The following ASB13 variants were observed in gnomAD, a reference collection of about 807,000 sequenced individuals.
ASB13 encodes the protein ankyrin repeat and SOCS box protein 13.
ASB13 carries 33 observed loss-of-function variants against 28.8 expected under a neutral mutation model. The ratio of observed to expected loss-of-function variants is 1.15; its 90% CI spans 0.87 to 1.53. ASB13 has a LOEUF of 1.53. Ranked by LOEUF, ASB13 falls within the 40% of genes most tolerant of loss-of-function variation. The probability of loss-of-function intolerance (pLI) is 0.00; values close to 1 mark genes in which losing one functional copy is unlikely to be tolerated. For missense variants in ASB13, 414 were observed against 390.1 expected (o/e 1.06, Z -0.52); for synonymous variants, 182 against 172.9 (o/e 1.05, Z -0.41).
rs919601578 is a variant in ASB13, at chr10:5,649,618, C to G, written c.383-514G>C. Among the ~76,000 whole-genome samples the G allele has an allele frequency of 6.6e-6, 1 of 151,740 alleles. No homozygotes were observed. The highest frequency in any genetic ancestry group is 2.4e-5 in the African/African-American group (1 of 41,318). Reference sequence around the variant, plus strand: ...TCAGCTCACTACAACCGCCATCTCCCGGGTTAAAGCGATTCTCCCACCTCA... The same window carrying G: ...TCAGCTCACTACAACCGCCATCTCCGGGGTTAAAGCGATTCTCCCACCTCA... On this transcript the variant is annotated intron_variant, in intron 3 of 5. Coordinates refer to ENST00000357700, the MANE Select transcript of ASB13 (RefSeq NM_024701.4). This position sits in a 1 kb window ranked among gnomAD's most constrained non-coding sequence, Gnocchi z 6.4.
Position 5,642,618 on chromosome 10 carries a change from GCAAGGA to G in ASB13, c.518-663_518-658del. On this transcript the variant is annotated intron_variant, in intron 4 of 5. Coordinates refer to ENST00000357700, the MANE Select transcript of ASB13 (RefSeq NM_024701.4). This position sits in a 1 kb window ranked among gnomAD's most constrained non-coding sequence, Gnocchi z 4.1. ...AAAAAGAGCAGACATTCAGAAAGAT[GCAAGGA>G]ATTAGTAGCTAAATATGGCTGGTTT... The G allele has an allele frequency of 2.6e-6, 2 of 777,798 alleles. No homozygotes were observed. The highest frequency in any genetic ancestry group is 3.6e-6 in the Non-Finnish European group (2 of 558,212). 48.2% of individuals were successfully genotyped at this position (777,798 alleles called of 1,614,324 possible).
At chr10:5,648,178 C>G (rs1407868878) in intron 4 of ASB13, among the ~76,000 whole-genome samples, 1 of 150,008 alleles carries the variant, frequency 6.7e-6, no homozygotes, top group South Asian at 2.1e-4. Context: ...GGGGTAAACA[C>G]CCACTCAGGT....
At chr10:5,662,842 C>T (rs1430175552) in intron 1 of ASB13, among the ~76,000 whole-genome samples, 1 of 152,138 alleles carries the variant, frequency 6.6e-6, no homozygotes, top group Non-Finnish European at 1.5e-5. Flanking sequence ...AACCCCAGCA[C>T]AAAGAGGGTG....
At position 5,640,643 on chromosome 10, in the gene ASB13, C is replaced by T; in HGVS notation, c.*60G>A. On this transcript the variant is annotated 3_prime_UTR_variant, in exon 6 of 6. Transcript: ENST00000357700. Reference sequence around the variant, plus strand: ...GCTGCTTCAGAGGAACAGGCAGAGCCCTCACCCGGGCAATGCTGGGCACAA... The same window carrying T: ...GCTGCTTCAGAGGAACAGGCAGAGCTCTCACCCGGGCAATGCTGGGCACAA... The T allele has an allele frequency of 6.2e-7, 1 of 1,606,614 alleles. No individual in the cohort carries two copies. Among genetic ancestry groups the T allele is most frequent in the Non-Finnish European group, 8.5e-7 (1 of 1,174,370 alleles).
chr10:5,647,765 G>T (rs1403575848), intron 4 of ASB13, among the ~76,000 whole-genome samples: 2 of 152,172 alleles, frequency 1.3e-5, no homozygotes, highest in African/African-American at 4.8e-5. Context: ...GAGGCCCGAG[G>T]TCTCAGCTGG....
At chr10:5,646,894 G>A (rs938257947) in intron 4 of ASB13, among the ~76,000 whole-genome samples, 3 of 152,184 alleles carry the variant, frequency 2.0e-5, no homozygotes, top group Non-Finnish European at 2.9e-5. Context: ...CCAGAGGAAC[G>A]GCTCGGCTGG....
chr10:5,643,517 C>G (rs1217488843), intron 4 of ASB13, among the ~76,000 whole-genome samples: 1 of 152,134 alleles, frequency 6.6e-6, no homozygotes, highest in African/African-American at 2.4e-5. Context: ...GATCTCTCAA[C>G]TAGGAAAAAT....
chr10:5,642,993 C>G lies in ASB13; in HGVS notation c.518-1032G>C, dbSNP rs538591785. On this transcript the variant is annotated intron_variant, in intron 4 of 5. Transcript: ENST00000357700. The surrounding 1 kb of genome is among the most constrained non-coding windows in gnomAD (Gnocchi z 4.1). ...TTCTTAGGGCACAGCCATCACTGAT[C>G]CGATACAATGGAATCCCCCAGGGCT... Among the ~76,000 whole-genome samples the G allele has an allele frequency of 1.3e-5, 2 of 152,098 alleles. No homozygotes were observed. Among genetic ancestry groups the G allele is most frequent in the Non-Finnish European group, 2.9e-5 (2 of 68,022 alleles).
At position 5,649,820 on chromosome 10, in the gene ASB13, CG is replaced by C. The variant is rs1222290866; in HGVS notation, c.383-717del. On this transcript the variant is annotated intron_variant, in intron 3 of 5. Transcript: ENST00000357700. This position sits in a 1 kb window ranked among gnomAD's most constrained non-coding sequence, Gnocchi z 6.4. ...GGATTACCAAGGGCATGAGCCACAGCGCCCGGCCTCTCCTGCCTCTTAAGTG... is the reference window on the plus strand; with the variant it reads ...GGATTACCAAGGGCATGAGCCACAGCCCCGGCCTCTCCTGCCTCTTAAGTG... Among the ~76,000 whole-genome samples, 6 of 152,054 alleles carry C rather than the reference CG, an allele frequency of 3.9e-5. No individual in the cohort carries two copies. The highest frequency in any genetic ancestry group is 8.8e-5 in the Non-Finnish European group (6 of 67,998).
Position 5,639,419 on chromosome 10 carries a change from C to G in ASB13, c.*1284G>C, listed in dbSNP as rs1258738242. ...ATGGGGTTTCATCAAGTTGGCCAGG[C>G]TGGTTTCAAACTCCTGACCTCAGAT... On this transcript the variant is annotated 3_prime_UTR_variant, in exon 6 of 6. Coordinates refer to ENST00000357700, the MANE Select transcript of ASB13 (RefSeq NM_024701.4). 2 of 152,546 alleles carry G rather than the reference C, an allele frequency of 1.3e-5. No individual in the cohort carries two copies. The highest frequency in any genetic ancestry group is 4.8e-5 in the African/African-American group (2 of 41,450). 9.4% of individuals were successfully genotyped at this position (152,546 alleles called of 1,614,324 possible).
In ASB13 at chr10:5,640,224, A is replaced by C. The variant is rs990712162; in HGVS notation, c.*479T>G. 6.4e-6 allele frequency: 1 copy of C among 156,094 alleles called. No homozygotes were observed. The highest frequency in any genetic ancestry group is 2.4e-5 in the African/African-American group (1 of 41,532). The allele number at this position is 156,094 out of a possible 1,614,324, so 9.7% of individuals were successfully genotyped here. A position where few individuals can be genotyped will look rare whatever the true frequency, so the allele number is the denominator to read the frequency against. Reference sequence around the variant, plus strand: ...AGGCCGACCTTCCGTGGGCCCAGCCATTCCCTATGAGCACCGAGGGCAGTC... The same window carrying C: ...AGGCCGACCTTCCGTGGGCCCAGCCCTTCCCTATGAGCACCGAGGGCAGTC... On this transcript the variant is annotated 3_prime_UTR_variant, in exon 6 of 6. Coordinates refer to ENST00000357700, the MANE Select transcript of ASB13 (RefSeq NM_024701.4).
In ASB13 at chr10:5,663,728, TC is replaced by T. The variant is rs1300530242; in HGVS notation, c.43+2780del. ...CCTAAGCCTTTGTAACTTGCTAATT[TC>T]CTCTGATACTTCCATTGGCCCTAAA... On this transcript the variant is annotated intron_variant, in intron 1 of 5. Transcript: ENST00000357700. This position sits in a 1 kb window ranked among gnomAD's most constrained non-coding sequence, Gnocchi z 4.9. Among the ~76,000 whole-genome samples, 3 of 152,188 alleles carry T rather than the reference TC, an allele frequency of 2.0e-5. No individual in the cohort carries two copies. The highest frequency in any genetic ancestry group is 6.5e-5 in the Admixed American group (1 of 15,284).
chr10:5,662,982 C>T (rs1459698897), intron 1 of ASB13, among the ~76,000 whole-genome samples: 1 of 152,166 alleles, frequency 6.6e-6, no homozygotes, highest in African/African-American at 2.4e-5. Flanking sequence ...CTCCCACTTA[C>T]AAGTCTGGGC....
At chr10:5,657,706 G>C (rs1017320234) in intron 1 of ASB13, among the ~76,000 whole-genome samples, 1 of 152,214 alleles carries the variant, frequency 6.6e-6, no homozygotes, top group African/African-American at 2.4e-5. Flanking sequence ...GTCTTGAGGA[G>C]AGATTCATTT....
At chr10:5,654,784 C>A (rs1835045388) in intron 1 of ASB13, among the ~76,000 whole-genome samples, 1 of 152,148 alleles carries the variant, frequency 6.6e-6, no homozygotes, top group African/African-American at 2.4e-5. Context: ...CCTGGATCTT[C>A]CCCAGATCTT....
intron 1 of ASB13, among the ~76,000 whole-genome samples, chr10:5,665,980 G>C (rs1408991896): frequency 6.6e-6 from 1 of 152,216 alleles, no homozygotes; most frequent in African/African-American, 2.4e-5. Flanking sequence ...GCACTTTTCG[G>C]AGTGTGCCGG....
rs1215846901 is a variant in ASB13, at chr10:5,652,970, C to T, written c.124G>A (p.Gly42Ser). The T allele has an allele frequency of 5.8e-6, 9 of 1,563,056 alleles. No homozygotes were observed. The highest frequency in any genetic ancestry group is 2.4e-5 in the East Asian group (1 of 42,374). Residue 42 changes from glycine to serine, a missense_variant, in exon 2 of 6, where the codon GGC (glycine) becomes AGC (serine). Gly to Ser is a moderately conservative substitution (Grantham distance 56). Transcript: ENST00000357700. This position sits in a 1 kb window ranked among gnomAD's most constrained non-coding sequence, Gnocchi z 5.0. Reference sequence around the variant, plus strand: ...ACGGTGACCTGGTTCACGCAGGCGCCGCTCTCGATCAGCTGTTGCAGCTGC... The same window carrying T: ...ACGGTGACCTGGTTCACGCAGGCGCTGCTCTCGATCAGCTGTTGCAGCTGC... ...SLQLQQLIES[G>S]ACVNQVTVDS...
At chr10:5,640,943 G>C in intron 5 of ASB13, 113 bp from the exon 6 acceptor site, 2 of 1,401,100 alleles carry the variant, frequency 1.4e-6, no homozygotes, top group African/African-American at 1.4e-5. Context: ...CCCTGGAACC[G>C]GGATGTGTCC....
rs1296795744 is a variant in ASB13, at chr10:5,649,312, G to T, written c.383-208C>A. Among the ~76,000 whole-genome samples the T allele has an allele frequency of 6.6e-6, 1 of 152,194 alleles. No individual in the cohort carries two copies. The highest frequency in any genetic ancestry group is 1.5e-5 in the Non-Finnish European group (1 of 68,028). ...GCTCTGCGCCCCGCTGAGGACGGAG[G>T]GCTCAAGGCAGTGGGAGAAACGGGC... On this transcript the variant is annotated intron_variant, in intron 3 of 5. Transcript: ENST00000357700. This position sits in a 1 kb window ranked among gnomAD's most constrained non-coding sequence, Gnocchi z 6.4.
Sources: gnomAD v4.1 joint callset for allele counts (sites outside exome capture counted in the v4.1 genomes callset) on GRCh38, gnomAD v4.1.1 for gene constraint, Gnocchi (gnomAD v3.1) non-coding constraint, MANE v1.5 for transcripts, NCBI Gene and HGNC (gene_info 2026-07-23, HGNC 2026-07-21) for gene names.